Variants in ECE1 observed in about 807,000 individuals in gnomAD.
ECE1 encodes endothelin converting enzyme 1, also known as endothelin-converting enzyme 1.
A neutral mutation model predicts 98.6 loss-of-function variants in ECE1; 35 were observed. The ratio of observed to expected loss-of-function variants is 0.35; its 90% CI spans 0.27 to 0.47. The LOEUF (loss-of-function observed/expected upper bound fraction) is 0.47. Ranked by LOEUF, ECE1 falls within the 20% of genes least tolerant of loss-of-function variation. The probability of loss-of-function intolerance (pLI) is 1.00; values close to 1 mark genes in which losing one functional copy is unlikely to be tolerated. For missense variants in ECE1, 814 were observed against 1,025.3 expected (o/e 0.79, Z 2.81); for synonymous variants, 394 against 407.1 (o/e 0.97, Z 0.39).
At position 21,301,060 on chromosome 1, in the gene ECE1, C is replaced by T. The variant is rs1638472291; in HGVS notation, c.4-10904G>A. On this transcript the variant is annotated intron_variant, in intron 1 of 18. Transcript: ENST00000415912. ...TCCTCCTGACCCAGTGTAGACAAAGCTGAAGAGGGTGTGTCTCCTCCTGAC... is the reference window on the plus strand; with the variant it reads ...TCCTCCTGACCCAGTGTAGACAAAGTTGAAGAGGGTGTGTCTCCTCCTGAC... Among the ~76,000 whole-genome samples the T allele has an allele frequency of 2.2e-5, 3 of 138,506 alleles. No individual in the cohort carries two copies. The South Asian group carries it at 6.2e-4, about 29-fold the overall frequency. The allele number at this position is 138,506 out of a possible 152,430, so 90.9% of individuals were successfully genotyped here.
intron 4 of ECE1, among the ~76,000 whole-genome samples, chr1:21,272,230 G>C (rs992856181): frequency 4.7e-4 from 72 of 152,228 alleles, no homozygotes; most frequent in East Asian, 7.7e-4. Flanking sequence ...AATGAGTGAG[G>C]GCAGACATTC....
rs1573930116 is a variant in ECE1 at position 21,225,744 on chromosome 1, T to G, written c.1850-304A>C. On this transcript the variant is annotated intron_variant, in intron 16 of 18. Transcript: ENST00000374893. The surrounding 1 kb of genome is among the most constrained non-coding windows in gnomAD (Gnocchi z 5.3). The stretch of plus-strand genomic sequence containing the variant: ...TCTCACTCTGCCACTCAGGCTGGAG[T>G]GCAGTGGCGCAATCTCAGCTCACTG... Among the ~76,000 whole-genome samples, 1 of 149,046 alleles carries G rather than the reference T, an allele frequency of 6.7e-6. No individual in the cohort carries two copies.
intron 8 of ECE1, among the ~76,000 whole-genome samples, chr1:21,250,757 C>T (rs2098211662): frequency 6.6e-6 from 1 of 152,198 alleles, no homozygotes; most frequent in African/African-American, 2.4e-5. Context: ...CCTGTAACCC[C>T]AGCACTTTGG....
chr1:21,218,219 C>T lies in ECE1; in HGVS notation c.*1736G>A, dbSNP rs2098163151. On this transcript the variant is annotated 3_prime_UTR_variant, in exon 19 of 19. Coordinates refer to ENST00000374893, the MANE Select transcript of ECE1 (RefSeq NM_001397.3). This position sits in a 1 kb window ranked among gnomAD's most constrained non-coding sequence, Gnocchi z 4.0. ...AAAAGCATCCATCTAGCTGCAAGTACTATCTTGATTCAACCCAGGGGCCGA... is the reference window on the plus strand; with the variant it reads ...AAAAGCATCCATCTAGCTGCAAGTATTATCTTGATTCAACCCAGGGGCCGA... The T allele has an allele frequency of 1.3e-5, 2 of 152,334 alleles. No homozygotes were observed. Among genetic ancestry groups the T allele is most frequent in the African/African-American group, 4.8e-5 (2 of 41,468 alleles). 9.4% of individuals were successfully genotyped at this position (152,334 alleles called of 1,614,324 possible).
intron 1 of ECE1, among the ~76,000 whole-genome samples, chr1:21,311,503 T>C (rs1638722771): frequency 3.7e-5 from 2 of 53,964 alleles, no homozygotes; most frequent in Non-Finnish European, 7.9e-5. Context: ...TGAGACCCTG[T>C]CTCCACAAAA....
At chr1:21,306,836 G>C (rs1638608841) in intron 1 of ECE1, among the ~76,000 whole-genome samples, 1 of 152,186 alleles carries the variant, frequency 6.6e-6, no homozygotes. Context: ...AAGCCTCTGG[G>C]GAGGAGTCGA....
At position 21,233,570 on chromosome 1, in the gene ECE1, G is replaced by T; in HGVS notation, c.1658C>A (p.Pro553His). 6.2e-7 allele frequency: 1 copy of T among 1,613,592 alleles called. No individual in the cohort carries two copies. Among genetic ancestry groups the T allele is most frequent in the Non-Finnish European group, 8.5e-7 (1 of 1,179,980 alleles). ...RVTADQLRKA[P>H]NRDQWSMTPP... is the part of the protein sequence containing the mutation. ...TGGGGGAACTCACTGATCTCTGTTG[G>T]GGGCTTTCCTGAGCTGATCGGCAGT... is the stretch of plus-strand genomic sequence containing the variant. Residue 553 changes from proline to histidine, a missense_variant, in exon 14 of 19, where the codon CCC becomes CAC. Pro to His is a moderately conservative substitution (Grantham distance 77). This residue lies in a region of ECE1 where 452 missense variants were observed against 567.3 expected (regional missense o/e 0.80). Transcript: ENST00000374893. This position sits in a 1 kb window ranked among gnomAD's most constrained non-coding sequence, Gnocchi z 4.0.
intron 10 of ECE1, among the ~76,000 whole-genome samples, chr1:21,243,735 C>CA (rs1445573453): frequency 6.6e-6 from 1 of 152,262 alleles, no homozygotes; most frequent in Non-Finnish European, 1.5e-5. Flanking sequence ...GCTTTGGCCC[C>CA]ATCTCTAACC....
At chr1:21,309,296 A>C (rs762292571) in intron 1 of ECE1, among the ~76,000 whole-genome samples, 2 of 152,218 alleles carry the variant, frequency 1.3e-5, no homozygotes, top group Non-Finnish European at 2.9e-5. Flanking sequence ...GCTGGCGTTC[A>C]AACCCTGGCT....
At chr1:21,342,036 G>T (rs186808210) in intron 1 of ECE1, among the ~76,000 whole-genome samples, 2 of 152,134 alleles carry the variant, frequency 1.3e-5, no homozygotes, top group Admixed American at 1.3e-4. Context: ...TTGTAGGAAA[G>T]GGGGCACAGA....
At chr1:21,341,890 G>A (rs77274601) in intron 1 of ECE1, among the ~76,000 whole-genome samples, 8,103 of 151,250 alleles carry the variant, frequency 0.054, 697 homozygotes, top group African/African-American at 0.18. Context: ...CTCTCGCCTC[G>A]CCCCCGCAAA....
At chr1:21,338,406 A>T (rs213063) in intron 1 of ECE1, among the ~76,000 whole-genome samples, 37,194 of 152,192 alleles carry the variant, frequency 0.24, 4,685 homozygotes, top group South Asian at 0.35. Context: ...TAGCTCATGA[A>T]TCCTCACCAG....
At chr1:21,320,808 C>T (rs895992682) in intron 1 of ECE1, among the ~76,000 whole-genome samples, 5 of 152,360 alleles carry the variant, frequency 3.3e-5, no homozygotes, top group Non-Finnish European at 7.3e-5. Flanking sequence ...TCCCCAGCCT[C>T]CTCTAGGCCA....
intron 1 of ECE1, chr1:21,299,117 A>C (rs1346099512): frequency 3.0e-6 from 1 of 336,188 alleles, no homozygotes; most frequent in Non-Finnish European, 6.0e-6. Context: ...TCATTGAATG[A>C]TATGGTATAA....
intron 1 of ECE1, among the ~76,000 whole-genome samples, chr1:21,329,390 C>T (rs895924651): frequency 1.3e-5 from 2 of 152,178 alleles, no homozygotes; most frequent in Non-Finnish European, 2.9e-5. Context: ...CAGAAAGGGG[C>T]GTGGCCTTCA....
chr1:21,239,499 A>C (rs1208106486), intron 10 of ECE1, among the ~76,000 whole-genome samples: 1 of 152,266 alleles, frequency 6.6e-6, no homozygotes, highest in Non-Finnish European at 1.5e-5. Context: ...CAGACGGATC[A>C]ACAAAATGTG....
At chr1:21,289,938 C>T (rs1279457891) in intron 2 of ECE1, 132 bp downstream of exon 2, 9 of 1,183,650 alleles carry the variant, frequency 7.6e-6, no homozygotes, top group African/African-American at 1.6e-5. Flanking sequence ...GCGGCCCCTC[C>T]CGGATGCCGG....
intron 8 of ECE1, among the ~76,000 whole-genome samples, chr1:21,249,780 T>G (rs114252223): frequency 0.014 from 2,115 of 152,034 alleles, 55 homozygotes; most frequent in African/African-American, 0.047. Context: ...TTTAAATTAT[T>G]TATTTTGTTT....
intron 10 of ECE1, among the ~76,000 whole-genome samples, chr1:21,243,136 C>G (rs867404270): frequency 1.3e-5 from 2 of 152,216 alleles, no homozygotes; most frequent in South Asian, 4.1e-4. Flanking sequence ...TCAGAGCCTC[C>G]TCTCCACTTA....
Sources: allele counts gnomAD v4.1 joint callset (sites outside exome capture counted in the v4.1 genomes callset), GRCh38; gene constraint gnomAD v4.1.1; regional missense constraint gnomAD v4.1.1; non-coding constraint Gnocchi (gnomAD v3.1); transcripts MANE v1.5; gene names NCBI Gene and HGNC (gene_info 2026-07-23, HGNC 2026-07-21).